The following TRHDE variants were observed in gnomAD, a reference collection of about 807,000 sequenced individuals.
The protein encoded by TRHDE is thyrotropin releasing hormone degrading enzyme, also known as thyrotropin-releasing hormone-degrading ectoenzyme.
TRHDE carries 72 observed loss-of-function variants against 125.7 expected under a neutral mutation model. The observed-to-expected ratio is 0.57, with a 90% confidence interval of 0.47 to 0.70. The LOEUF is 0.70. TRHDE is among the 30% of genes least tolerant of loss of function. The probability of loss-of-function intolerance (pLI) is 0.00; values close to 1 mark genes in which losing one functional copy is unlikely to be tolerated. For synonymous variants in TRHDE, 509 were observed against 509.1 expected, an observed-to-expected ratio of 1.00 and a Z score of 0.00; for missense variants, 1,110 against 1,327.1, an observed-to-expected ratio of 0.84 and a Z score of 2.54.
intron 2 of TRHDE, among the ~76,000 whole-genome samples, chr12:72,110,650 G>C (rs1421066906): frequency 6.6e-6 from 1 of 151,998 alleles, no homozygotes; most frequent in Non-Finnish European, 1.5e-5. Flanking sequence ...AGGTTCTTTT[G>C]ATAAGATATT....
At chr12:72,473,538 G>C (rs905073498) in intron 5 of TRHDE, among the ~76,000 whole-genome samples, 3 of 151,904 alleles carry the variant, frequency 2.0e-5, no homozygotes, top group Non-Finnish European at 2.9e-5. Context: ...ATGAGGACTT[G>C]ACATCTCATT....
chr12:72,098,068 A>C (rs779812527), intron 1 of TRHDE, among the ~76,000 whole-genome samples: 2 of 152,088 alleles, frequency 1.3e-5, no homozygotes, highest in Admixed American at 6.5e-5. Context: ...ATTTTTATAG[A>C]GATGAAGTCT....
chr12:72,514,103 A>T (rs1878722336), intron 6 of TRHDE, among the ~76,000 whole-genome samples: 1 of 152,126 alleles, frequency 6.6e-6, no homozygotes, highest in Admixed American at 6.6e-5. Flanking sequence ...ACTAGAAGGT[A>T]TCCCCAGACA....
At chr12:72,393,274 G>A (rs1461100953) in intron 3 of TRHDE, among the ~76,000 whole-genome samples, 1 of 152,104 alleles carries the variant, frequency 6.6e-6, no homozygotes, top group Non-Finnish European at 1.5e-5. Flanking sequence ...TTTGAATCAG[G>A]TGACTGGACT....
intron 5 of TRHDE, among the ~76,000 whole-genome samples, chr12:72,484,294 A>T (rs2135917336): frequency 6.6e-6 from 1 of 152,304 alleles, no homozygotes; most frequent in South Asian, 2.1e-4. Context: ...TTGTTAAAAA[A>T]TTTAGCATGC....
chr12:72,327,041 G>T (rs993003303), intron 2 of TRHDE, among the ~76,000 whole-genome samples: 2 of 152,018 alleles, frequency 1.3e-5, no homozygotes, highest in African/African-American at 4.8e-5. Context: ...CAGTTTGGAG[G>T]AAGATATAAG....
rs137881604 is a variant in TRHDE, at chr12:72,648,427, G to A, written c.2676-3895G>A. 6.0e-3 allele frequency among the ~76,000 whole-genome samples: 905 copies of A among 152,042 alleles called. 7 individuals are homozygous for A. Among genetic ancestry groups the A allele is most frequent in the African/African-American group, 0.02 (842 of 41,492 alleles). Reference sequence around the variant, plus strand: ...AAATAGGGATGAAAAAGAAATAAACGGCATCCTAATTGAAAAGGGAGAAGT... The same window carrying A: ...AAATAGGGATGAAAAAGAAATAAACAGCATCCTAATTGAAAAGGGAGAAGT... On this transcript the variant is annotated intron_variant, in intron 15 of 18. Coordinates refer to ENST00000261180, the MANE Select transcript of TRHDE (RefSeq NM_013381.3).
chr12:72,470,035 T>C (rs921458995), intron 4 of TRHDE, 123 bp downstream of exon 4: 2 of 914,462 alleles, frequency 2.2e-6, no homozygotes, highest in Non-Finnish European at 3.2e-6. Context: ...TGGAGCACTG[T>C]GTAGTTCTTT....
Position 72,592,774 on chromosome 12 carries a change from G to A in TRHDE, c.2321+17232G>A, listed in dbSNP as rs184992414. Reference sequence around the variant, plus strand: ...TACTCAGGCTGAAGTGCAGTGGTGCGATCTCGGCTCACTGCAACCTCCACC... The same window carrying A: ...TACTCAGGCTGAAGTGCAGTGGTGCAATCTCGGCTCACTGCAACCTCCACC... On this transcript the variant is annotated intron_variant, in intron 12 of 18. Coordinates refer to ENST00000261180, the MANE Select transcript of TRHDE (RefSeq NM_013381.3). 1.8e-4 allele frequency among the ~76,000 whole-genome samples: 27 copies of A among 151,172 alleles called. No homozygotes were observed. The East Asian group carries it at 4.3e-3, about 24-fold the overall frequency.
Position 72,618,966 on chromosome 12 carries a change from G to A in TRHDE, c.2397G>A (p.Trp799Ter). ...CTGAGGAGAAGGATTTTCTTCCTTG[G>A]CATGCTGCCAGCCGAGCTCTTTATC... ...YLSEEKDFLPWHAASRALYPL... is the reference protein window; with the variant it reads ...YLSEEKDFLP The change falls in exon 13 of 19, where the codon TGG (tryptophan) becomes TGA (stop). Residue 799 changes from tryptophan to a stop codon, truncating the protein, a stop_gained. Coordinates refer to ENST00000261180, the MANE Select transcript of TRHDE (RefSeq NM_013381.3). LOFTEE classifies it high-confidence loss of function. 1.2e-6 allele frequency: 2 copies of A among 1,602,586 alleles called. No homozygotes were observed. The highest frequency in any genetic ancestry group is 1.7e-6 in the Non-Finnish European group (2 of 1,174,066).
intron 3 of TRHDE, among the ~76,000 whole-genome samples, chr12:72,423,160 T>C (rs1874031256): frequency 6.6e-6 from 1 of 152,206 alleles, no homozygotes; most frequent in Admixed American, 6.5e-5. Context: ...ACATGATCCC[T>C]GACTTATGAT....
intron 3 of TRHDE, among the ~76,000 whole-genome samples, chr12:72,446,345 G>C (rs1875284011): frequency 6.6e-6 from 1 of 151,734 alleles, no homozygotes; most frequent in Non-Finnish European, 1.5e-5. Flanking sequence ...CCTTAGGAGA[G>C]CTCCTGAAGG....
At chr12:72,593,965 A>G (rs1395107488) in intron 12 of TRHDE, among the ~76,000 whole-genome samples, 1 of 152,294 alleles carries the variant, frequency 6.6e-6, no homozygotes, top group Non-Finnish European at 1.5e-5. Flanking sequence ...GAATAGTGCC[A>G]CAATAAACAT....
Position 72,349,332 on chromosome 12 carries a change from T to G in TRHDE, c.1189-28663T>G, listed in dbSNP as rs1870476355. ...ATTGCCTTTATTAGACAAATAGATG[T>G]TCTCTATGCTTCTGAAAATGTTAAG... On this transcript the variant is annotated intron_variant, in intron 2 of 18. Coordinates refer to ENST00000261180, the MANE Select transcript of TRHDE (RefSeq NM_013381.3). Among the ~76,000 whole-genome samples, 4 of 152,182 alleles carry G rather than the reference T, an allele frequency of 2.6e-5. No homozygotes were observed. The South Asian group carries it at 8.3e-4, about 32-fold the overall frequency.
At chr12:72,169,769 C>A (rs186016673) in intron 2 of TRHDE, among the ~76,000 whole-genome samples, 77 of 152,162 alleles carry the variant, frequency 5.1e-4, no homozygotes, top group Non-Finnish European at 1.0e-3. Context: ...ACCCTTATGA[C>A]CCCATTAAAC....
intron 2 of TRHDE, among the ~76,000 whole-genome samples, chr12:72,333,489 C>A (rs1231946812): frequency 6.6e-6 from 1 of 152,126 alleles, no homozygotes; most frequent in Non-Finnish European, 1.5e-5. Context: ...AAATTTGTGA[C>A]AGTAATGAGG....
intron 10 of TRHDE, among the ~76,000 whole-genome samples, chr12:72,570,745 C>G (rs1045791894): frequency 6.6e-6 from 1 of 152,120 alleles, no homozygotes; most frequent in African/African-American, 2.4e-5. Context: ...TATCACCTAT[C>G]TTGATATGTG....
chr12:72,430,455 G>A (rs1874425984), intron 3 of TRHDE, among the ~76,000 whole-genome samples: 1 of 146,720 alleles, frequency 6.8e-6, no homozygotes, highest in Non-Finnish European at 1.5e-5. Flanking sequence ...GTATATATAT[G>A]TGTATATATA....
At chr12:72,152,531 A>G (rs372538787) in intron 2 of TRHDE, among the ~76,000 whole-genome samples, 16 of 152,032 alleles carry the variant, frequency 1.1e-4, no homozygotes, top group Admixed American at 3.9e-4. Flanking sequence ...TTGGCTGTGG[A>G]TTTGTCATAG....
Sources: gnomAD v4.1 joint callset for allele counts (sites outside exome capture counted in the v4.1 genomes callset) on GRCh38, gnomAD v4.1.1 for gene constraint, MANE v1.5 for transcripts, NCBI Gene and HGNC (gene_info 2026-07-23, HGNC 2026-07-21) for gene names.